The following ZNF618 variants were observed in gnomAD, a reference collection of about 807,000 sequenced individuals.
ZNF618 encodes neural precursor cell expressed, developmentally down-regulated 10.
In ZNF618, 34 loss-of-function variants were observed where a neutral mutation model predicts 103.0. The ratio of observed to expected loss-of-function variants is 0.33; its 90% CI spans 0.25 to 0.44. ZNF618 has a LOEUF of 0.44. Ranked by LOEUF, ZNF618 falls within the 20% of genes least tolerant of loss-of-function variation. The pLI is 1.00. For missense variants in ZNF618, 1,059 were observed against 1,295.4 expected (o/e 0.82, Z 2.80); for synonymous variants, 551 against 542.2 (o/e 1.02, Z -0.23).
rs1463384834 is a variant in ZNF618, at chr9:113,957,827, A to G, written c.34-11290A>G. On this transcript the variant is annotated intron_variant, in intron 1 of 14. Transcript: ENST00000374126. Reference sequence around the variant, plus strand: ...TTCCTTTTTTTTTTTTTTACCCCCAACCCCCACTTCCTGCTGATCTGAAGT... The same window carrying G: ...TTCCTTTTTTTTTTTTTTACCCCCAGCCCCCACTTCCTGCTGATCTGAAGT... Among the ~76,000 whole-genome samples, 3 of 148,544 alleles carry G rather than the reference A, an allele frequency of 2.0e-5. No individual in the cohort carries two copies. In the South Asian group the frequency reaches 6.4e-4, roughly 32 times the overall value.
At chr9:113,938,204 C>T (rs1454184840) in intron 1 of ZNF618, among the ~76,000 whole-genome samples, 1 of 114,108 alleles carries the variant, frequency 8.8e-6, no homozygotes, top group African/African-American at 3.3e-5. Context: ...GGGTCTTGCT[C>T]TGTTGCCCAG....
At chr9:113,876,983 TA>T in intron 1 of ZNF618, among the ~76,000 whole-genome samples, 1 of 152,070 alleles carries the variant, frequency 6.6e-6, no homozygotes, top group Non-Finnish European at 1.5e-5. Flanking sequence ...ATTTTGTAAA[TA>T]AAAAAGAAAT....
intron 1 of ZNF618, among the ~76,000 whole-genome samples, chr9:113,915,020 C>G (rs865958373): frequency 6.6e-6 from 1 of 152,194 alleles, no homozygotes; most frequent in Non-Finnish European, 1.5e-5. Context: ...CATAAAATTG[C>G]TCATTTTCTC....
intron 3 of ZNF618, among the ~76,000 whole-genome samples, chr9:113,996,512 C>A (rs1184374036): frequency 1.3e-5 from 2 of 152,192 alleles, no homozygotes; most frequent in African/African-American, 4.8e-5. Flanking sequence ...CAGCGTCCCC[C>A]TCTGTGACTT....
intron 2 of ZNF618, among the ~76,000 whole-genome samples, chr9:113,976,645 G>A (rs145071954): frequency 2.4e-3 from 358 of 152,122 alleles, no homozygotes; most frequent in Middle Eastern, 0.01. Context: ...TGGGTCTCCC[G>A]TCTCTCCTCC....
At chr9:113,979,604 A>G (rs1838797946) in intron 2 of ZNF618, among the ~76,000 whole-genome samples, 1 of 152,244 alleles carries the variant, frequency 6.6e-6, no homozygotes, top group Non-Finnish European at 1.5e-5. Context: ...TGGATTGATC[A>G]CAGAAAAGTC....
At chr9:113,958,490 C>A (rs943639439) in intron 1 of ZNF618, among the ~76,000 whole-genome samples, 2 of 152,224 alleles carry the variant, frequency 1.3e-5, no homozygotes, top group African/African-American at 2.4e-5. Context: ...ATGATACTAG[C>A]TGGCACTACA....
chr9:113,904,602 T>A (rs1830824771), intron 1 of ZNF618, among the ~76,000 whole-genome samples: 1 of 152,228 alleles, frequency 6.6e-6, no homozygotes, highest in African/African-American at 2.4e-5. Flanking sequence ...ATCACACACT[T>A]AGTTGCCTAA....
chr9:113,904,799 T>C (rs1002204103), intron 1 of ZNF618, among the ~76,000 whole-genome samples: 1 of 152,160 alleles, frequency 6.6e-6, no homozygotes, highest in Non-Finnish European at 1.5e-5. Context: ...GCTAGCAACA[T>C]TGGGCAGAGT....
At chr9:113,926,353 T>A (rs538734749) in intron 1 of ZNF618, among the ~76,000 whole-genome samples, 1 of 152,110 alleles carries the variant, frequency 6.6e-6, no homozygotes, top group East Asian at 1.9e-4. Flanking sequence ...TGGGATACAG[T>A]TTTTTTGGTT....
At chr9:114,036,116 T>G (rs1215094611) in intron 12 of ZNF618, among the ~76,000 whole-genome samples, 184 bp from the exon 13 acceptor site, 1 of 152,208 alleles carries the variant, frequency 6.6e-6, no homozygotes, top group African/African-American at 2.4e-5. Context: ...CTCTCCATCA[T>G]TCCTTCACCC....
intron 10 of ZNF618, 96 bp downstream of exon 10, chr9:114,016,880 T>G (rs1277042648): frequency 1.1e-6 from 1 of 948,058 alleles, no homozygotes; most frequent in Admixed American, 2.2e-5. Flanking sequence ...CAGGAAATGG[T>G]GAAAGCAAGG....
chr9:113,985,283 A>C (rs1302131124), intron 2 of ZNF618, among the ~76,000 whole-genome samples: 1 of 151,580 alleles, frequency 6.6e-6, no homozygotes, highest in Non-Finnish European at 1.5e-5. Context: ...GGCCCATTTC[A>C]CTCCAGCCAG....
intron 13 of ZNF618, among the ~76,000 whole-genome samples, chr9:114,041,716 GT>G (rs1293506594): frequency 1.3e-5 from 2 of 152,206 alleles, no homozygotes; most frequent in East Asian, 3.8e-4. Context: ...GTACCATGCT[GT>G]TTTGGTTACT....
chr9:113,984,244 C>G (rs551456944), intron 2 of ZNF618, among the ~76,000 whole-genome samples: 1 of 152,300 alleles, frequency 6.6e-6, no homozygotes, highest in African/African-American at 2.4e-5. Context: ...GTCAGAGTCA[C>G]CTGTGCAAGG....
chr9:114,048,102 T>C (rs1845818273), intron 14 of ZNF618, 108 bp downstream of exon 14: 1 of 964,764 alleles, frequency 1.0e-6, no homozygotes, highest in Non-Finnish European at 1.6e-6. Flanking sequence ...TGTAAGATGA[T>C]GCATGATAGT....
In ZNF618 at chr9:114,049,328, G is replaced by A; in HGVS notation, c.2026G>A (p.Gly676Ser). Residue 676 changes from glycine (G) to serine (S), a missense_variant, in exon 15 of 15, where the codon GGC (glycine) becomes AGC (serine). Gly to Ser is a moderately conservative substitution (Grantham distance 56, BLOSUM62 0). Transcript: ENST00000374126. ...GTGCGAGGACCTGGCGGGCTCCACGGGCCTGGCCAAGGAGACCTTCGGGTC... is the reference window on the plus strand; with the variant it reads ...GTGCGAGGACCTGGCGGGCTCCACGAGCCTGGCCAAGGAGACCTTCGGGTC... Reference protein sequence around the residue: ...NVCEDLAGSTGLAKETFGSLE... With the variant: ...NVCEDLAGSTSLAKETFGSLE... 6.2e-7 allele frequency: 1 copy of A among 1,611,556 alleles called. No individual in the cohort carries two copies. Among genetic ancestry groups the A allele is most frequent in the Non-Finnish European group, 8.5e-7 (1 of 1,179,548 alleles).
intron 10 of ZNF618, among the ~76,000 whole-genome samples, chr9:114,026,339 G>T (rs762333885): frequency 9.2e-5 from 14 of 152,356 alleles, no homozygotes; most frequent in Non-Finnish European, 1.6e-4. Context: ...TCAGGCCTAT[G>T]ATACCATGTG....
intron 1 of ZNF618, among the ~76,000 whole-genome samples, chr9:113,879,397 G>GTTTTTTTTTTTTTTTTT (rs35301339): frequency 1.0e-5 from 1 of 95,614 alleles, no homozygotes; most frequent in Non-Finnish European, 2.1e-5. Flanking sequence ...TTTTTTTTCT[G>GTTTTTTTTTTTTTTTTT]TTTTTTTTTT....
Sources: gnomAD v4.1 joint callset for allele counts (sites outside exome capture counted in the v4.1 genomes callset) on GRCh38, gnomAD v4.1.1 for gene constraint, MANE v1.5 for transcripts, NCBI Gene and HGNC (gene_info 2026-07-23, HGNC 2026-07-21) for gene names.